Variants in AGBL1 observed in about 807,000 individuals in gnomAD.
The protein encoded by AGBL1 is cytosolic carboxypeptidase 4.
In AGBL1, 130 loss-of-function variants were observed where a neutral mutation model predicts 118.9. The ratio of observed to expected loss-of-function variants is 1.09; its 90% CI spans 0.95 to 1.26. AGBL1 has a LOEUF of 1.26. Among genes scored for constraint, AGBL1 ranks in the 50% most tolerant of loss-of-function variants. The probability of loss-of-function intolerance (pLI) is 0.00; values close to 1 mark genes in which losing one functional copy is unlikely to be tolerated. For missense variants in AGBL1, 1,584 were observed against 1,298.1 expected (o/e 1.22, Z -3.38); for synonymous variants, 555 against 478.9 (o/e 1.16, Z -2.08).
chr15:86,436,322 A>G (rs988195824), intron 18 of AGBL1, among the ~76,000 whole-genome samples: 2 of 151,894 alleles, frequency 1.3e-5, no homozygotes, highest in Non-Finnish European at 2.9e-5. Context: ...AACAAATGAA[A>G]CACCAAAGAA....
intron 22 of AGBL1, among the ~76,000 whole-genome samples, chr15:86,731,077 C>T (rs1297795114): frequency 2.4e-4 from 36 of 152,180 alleles, no homozygotes; most frequent in Admixed American, 2.0e-3. Flanking sequence ...GTGATCCGCC[C>T]GTCTTGGCCT....
At chr15:86,196,873 G>GCGCGCA (rs2077816601) in intron 5 of AGBL1, among the ~76,000 whole-genome samples, 1 of 89,000 alleles carries the variant, frequency 1.1e-5, no homozygotes, top group Admixed American at 1.2e-4. Context: ...ACATGTGCGC[G>GCGCGCA]CGCGCGCACA....
chr15:86,295,314 T>A lies in AGBL1; in HGVS notation c.2280T>A (p.Asp760Glu), dbSNP rs1047172507. The A allele has an allele frequency of 1.9e-6, 3 of 1,613,628 alleles. No homozygotes were observed. The Admixed American group carries it at 5.0e-5, about 27-fold the overall frequency. The change falls in exon 17 of 23, where the codon GAT becomes GAA. Residue 760 changes from aspartate (D) to glutamate (E), a missense_variant. Physicochemically the swap from Asp to Glu is conservative, Grantham distance 45. Coordinates refer to ENST00000614907, the MANE Select transcript of AGBL1 (RefSeq NM_001386094.1). ...TCAAAGAGGTCTACTTCCGGCAAGA[T>A]GTTCTCTGCCAGACGCTGGGAGGGA... ...VNLKEVYFRQ[D>E]VLCQTLGGNP...
intron 22 of AGBL1, among the ~76,000 whole-genome samples, chr15:86,695,362 T>G (rs558719509): frequency 6.6e-6 from 1 of 152,102 alleles, no homozygotes; most frequent in Admixed American, 6.6e-5. Flanking sequence ...CTCCTCTAGG[T>G]TTTTTAGTTT....
intron 22 of AGBL1, among the ~76,000 whole-genome samples, chr15:86,872,623 G>C (rs754867273): frequency 4.9e-4 from 75 of 152,138 alleles, no homozygotes; most frequent in Non-Finnish European, 1.2e-4. Context: ...GGGTATGGTA[G>C]TGTGCACCTG....
intron 18 of AGBL1, among the ~76,000 whole-genome samples, chr15:86,443,502 C>T (rs1323643178): frequency 3.3e-5 from 5 of 152,078 alleles, no homozygotes; most frequent in East Asian, 1.9e-4. Context: ...AATAAATTAT[C>T]GTTAATTATA....
chr15:86,410,871 A>C (rs2081605059), intron 18 of AGBL1, among the ~76,000 whole-genome samples: 2 of 78,548 alleles, frequency 2.5e-5, no homozygotes, highest in African/African-American at 9.1e-5. Context: ...AAAATATATA[A>C]TATATATTAT....
chr15:86,913,553 G>A lies in AGBL1; in HGVS notation c.*6259G>A, dbSNP rs940755214. The A allele has an allele frequency of 3.3e-5, 5 of 152,150 alleles. No homozygotes were observed. The East Asian group carries it at 5.8e-4, about 18-fold the overall frequency. 9.4% of individuals were successfully genotyped at this position (152,150 alleles called of 1,614,324 possible). A position where few individuals can be genotyped will look rare whatever the true frequency, so the allele number is the denominator to read the frequency against. ...TTATGACAAGTAGTTAAACAGAGGA[G>A]AGCACTGACTGTTTACAAGGCTGAA... On this transcript the variant is annotated 3_prime_UTR_variant, in exon 23 of 23. Transcript: ENST00000614907.
intron 22 of AGBL1, among the ~76,000 whole-genome samples, chr15:86,806,064 T>C (rs931798529): frequency 6.6e-6 from 1 of 152,136 alleles, no homozygotes; most frequent in Non-Finnish European, 1.5e-5. Flanking sequence ...GCCTCACTGT[T>C]TGGAGGCTTG....
At chr15:86,841,165 T>G (rs2079239703) in intron 22 of AGBL1, among the ~76,000 whole-genome samples, 2 of 152,214 alleles carry the variant, frequency 1.3e-5, no homozygotes, top group South Asian at 4.1e-4. Context: ...AGCATTTCTT[T>G]GGCAGCTCCC....
At chr15:86,839,379 C>T (rs2079214868) in intron 22 of AGBL1, among the ~76,000 whole-genome samples, 1 of 152,200 alleles carries the variant, frequency 6.6e-6, no homozygotes, top group Non-Finnish European at 1.5e-5. Flanking sequence ...TGCTCTCTGC[C>T]ATAGGGGCCC....
intron 22 of AGBL1, among the ~76,000 whole-genome samples, chr15:86,678,143 T>C (rs1376871799): frequency 6.6e-6 from 1 of 152,158 alleles, no homozygotes; most frequent in Non-Finnish European, 1.5e-5. Flanking sequence ...ACATTTAACA[T>C]CCACTCTTCT....
At chr15:86,726,297 G>A (rs75996098) in intron 22 of AGBL1, among the ~76,000 whole-genome samples, 2,295 of 152,206 alleles carry the variant, frequency 0.015, 54 homozygotes, top group African/African-American at 0.052. Context: ...AAGGCAGTGC[G>A]CTTTAGCAAC....
intron 18 of AGBL1, among the ~76,000 whole-genome samples, chr15:86,454,251 T>C (rs748177881): frequency 1.1e-4 from 16 of 152,216 alleles, no homozygotes; most frequent in Non-Finnish European, 1.8e-4. Context: ...TATTTTTGCT[T>C]ATTTCATCAT....
intron 16 of AGBL1, among the ~76,000 whole-genome samples, chr15:86,280,126 A>G (rs1168622398): frequency 2.0e-5 from 3 of 150,808 alleles, no homozygotes; most frequent in African/African-American, 7.4e-5. Flanking sequence ...ATGGGGAGCA[A>G]CACCATACAA....
chr15:86,732,518 G>T (rs978739847), intron 22 of AGBL1, among the ~76,000 whole-genome samples: 1 of 152,122 alleles, frequency 6.6e-6, no homozygotes, highest in Admixed American at 6.5e-5. Context: ...TTTGGTTTTA[G>T]TTCCTTGTAG....
In AGBL1 at chr15:86,952,795, G is replaced by T. The variant is rs546071071; in HGVS notation, c.3222-35192G>T. Among the ~76,000 whole-genome samples, 710 of 152,144 alleles carry T rather than the reference G, an allele frequency of 4.7e-3. 9 individuals are homozygous for T. The highest frequency in any genetic ancestry group is 0.017 in the African/African-American group (692 of 41,516). On this transcript the variant is annotated intron_variant, in intron 23 of 24. Transcript: ENST00000441037. ...AAAGAATATTTCCTAGATTTTTAAA[G>T]AATTTTTAGAGTTTGAGGTCTCACA...
chr15:86,847,687 C>T (rs577766084), intron 22 of AGBL1, among the ~76,000 whole-genome samples: 2 of 152,266 alleles, frequency 1.3e-5, no homozygotes, highest in South Asian at 4.1e-4. Flanking sequence ...CAGTCAGACC[C>T]ATCCATCTTT....
chr15:86,199,279 G>A (rs1040114423), intron 5 of AGBL1, among the ~76,000 whole-genome samples: 2 of 152,016 alleles, frequency 1.3e-5, no homozygotes, highest in Non-Finnish European at 2.9e-5. Context: ...GCGTGAAGTG[G>A]TTTCCACACT....
Sources: gnomAD v4.1 joint callset for allele counts (sites outside exome capture counted in the v4.1 genomes callset) on GRCh38, gnomAD v4.1.1 for gene constraint, MANE v1.5 for transcripts, NCBI Gene and HGNC (gene_info 2026-07-23, HGNC 2026-07-21) for gene names.